The following RAP1A variants were observed in gnomAD, a reference collection of about 807,000 sequenced individuals.
The protein encoded by RAP1A is ras-related protein Rap-1A.
RAP1A carries 6 observed loss-of-function variants against 26.4 expected under a neutral mutation model. That is an observed-to-expected ratio of 0.23 (90% CI 0.12 to 0.45). The LOEUF (loss-of-function observed/expected upper bound fraction) is 0.45, where lower values mean the gene tolerates loss of function less well. Among genes scored for constraint, RAP1A ranks in the 20% least tolerant of loss-of-function variants. The probability of loss-of-function intolerance (pLI) is 0.99; values close to 1 mark genes in which losing one functional copy is unlikely to be tolerated. For missense variants in RAP1A, 121 were observed against 217.2 expected, an observed-to-expected ratio of 0.56 and a Z score of 2.78; for synonymous variants, 73 against 79.4, an observed-to-expected ratio of 0.92 and a Z score of 0.43.
intron 2 of RAP1A, among the ~76,000 whole-genome samples, chr1:111,693,107 C>G (rs1170570683): frequency 1.3e-5 from 2 of 152,112 alleles, no homozygotes; most frequent in African/African-American, 4.8e-5. Context: ...ATTGGAGGAT[C>G]TAGCATAGAA....
chr1:111,685,317 C>G (rs538570079), intron 1 of RAP1A, among the ~76,000 whole-genome samples: 2 of 152,212 alleles, frequency 1.3e-5, no homozygotes, highest in African/African-American at 4.8e-5. Context: ...GCAAAAGAAA[C>G]TATCAGCAGA....
intron 1 of RAP1A, among the ~76,000 whole-genome samples, chr1:111,655,429 G>T (rs909971973): frequency 6.6e-6 from 1 of 151,756 alleles, no homozygotes; most frequent in Non-Finnish European, 1.5e-5. Flanking sequence ...AAAAGAATAC[G>T]CATTCACAAA....
intron 7 of RAP1A, among the ~76,000 whole-genome samples, chr1:111,709,534 G>T (rs1662310994): frequency 6.6e-6 from 1 of 152,118 alleles, no homozygotes; most frequent in South Asian, 2.1e-4. Flanking sequence ...AAAAATAGTA[G>T]TTGAATGAAT....
At chr1:111,641,016 A>G (rs1659873225) in intron 1 of RAP1A, among the ~76,000 whole-genome samples, 1 of 152,186 alleles carries the variant, frequency 6.6e-6, no homozygotes, top group Admixed American at 6.5e-5. Flanking sequence ...TAAAAGGAAT[A>G]CAAGTAATGC....
At chr1:111,560,246 G>T (rs978601078) in intron 1 of RAP1A, among the ~76,000 whole-genome samples, 5 of 152,092 alleles carry the variant, frequency 3.3e-5, no homozygotes, top group African/African-American at 1.2e-4. Flanking sequence ...CTTTAGAGCT[G>T]AACTAACAAA....
At chr1:111,606,922 A>T (rs1256008074) in intron 1 of RAP1A, among the ~76,000 whole-genome samples, 1 of 152,228 alleles carries the variant, frequency 6.6e-6, no homozygotes, top group Admixed American at 6.5e-5. Context: ...GACATCCAGC[A>T]CCTAATGTTT....
intron 1 of RAP1A, among the ~76,000 whole-genome samples, chr1:111,624,162 G>A (rs1659318025): frequency 6.6e-6 from 1 of 151,928 alleles, no homozygotes; most frequent in Non-Finnish European, 1.5e-5. Flanking sequence ...GAAGAGTTAC[G>A]GCCTATTTCC....
At chr1:111,602,428 T>C (rs1658691845) in intron 1 of RAP1A, 1 of 152,242 alleles carries the variant, frequency 6.6e-6, no homozygotes, top group African/African-American at 2.4e-5. Flanking sequence ...AAACTATTTA[T>C]ATATAGTGAC....
At position 111,696,276 on chromosome 1, in the gene RAP1A, G is replaced by A. The variant is rs184493168; in HGVS notation, c.126+867G>A. ...AAAAAGATTAAACTTTAATAGGAAA[G>A]GATTGCTTTTGAAGACATTTTTAGA... On this transcript the variant is annotated intron_variant, in intron 3 of 7. Transcript: ENST00000369709. Among the ~76,000 whole-genome samples the A allele has an allele frequency of 8.5e-5, 13 of 152,216 alleles. No homozygotes were observed. In the East Asian group the frequency reaches 1.5e-3, roughly 18 times the overall value.
intron 1 of RAP1A, among the ~76,000 whole-genome samples, chr1:111,660,285 G>A (rs1660589827): frequency 6.6e-6 from 1 of 152,108 alleles, no homozygotes; most frequent in Admixed American, 6.5e-5. Context: ...TCTTGTCTCT[G>A]TTCTGCTATA....
intron 1 of RAP1A, among the ~76,000 whole-genome samples, chr1:111,639,128 G>A (rs1659814787): frequency 6.6e-6 from 1 of 152,004 alleles, no homozygotes; most frequent in Non-Finnish European, 1.5e-5. Context: ...TCTTTTTAAA[G>A]GAGATACACT....
At chr1:111,658,045 A>G (rs886131864) in intron 1 of RAP1A, among the ~76,000 whole-genome samples, 13 of 152,314 alleles carry the variant, frequency 8.5e-5, no homozygotes, top group African/African-American at 3.1e-4. Context: ...AATATGGTCT[A>G]TCTTGGTAAA....
intron 1 of RAP1A, among the ~76,000 whole-genome samples, chr1:111,663,378 TG>T (rs1336706835): frequency 1.3e-5 from 2 of 152,250 alleles, no homozygotes; most frequent in Admixed American, 6.5e-5. Flanking sequence ...CCTCCTGATT[TG>T]GGGTTCCTAA....
intron 1 of RAP1A, among the ~76,000 whole-genome samples, chr1:111,658,567 A>G (rs1446290641): frequency 6.6e-6 from 1 of 152,292 alleles, no homozygotes; most frequent in South Asian, 2.1e-4. Context: ...GTTAAAAACT[A>G]AGACACAAAC....
chr1:111,646,285 G>A (rs1660060757), intron 1 of RAP1A, among the ~76,000 whole-genome samples: 1 of 151,842 alleles, frequency 6.6e-6, no homozygotes, highest in Non-Finnish European at 1.5e-5. Context: ...AAAAATGTTA[G>A]TATGTTTGTA....
chr1:111,627,036 C>T (rs1659422216), intron 1 of RAP1A, among the ~76,000 whole-genome samples: 1 of 152,046 alleles, frequency 6.6e-6, no homozygotes, highest in Non-Finnish European at 1.5e-5. Context: ...TTTCTTATTC[C>T]AAGTAATATG....
intron 1 of RAP1A, among the ~76,000 whole-genome samples, chr1:111,607,328 AGG>A (rs1491099510): frequency 6.6e-5 from 10 of 152,096 alleles, no homozygotes; most frequent in Non-Finnish European, 5.9e-5. Flanking sequence ...CAGAGAGCAC[AGG>A]GTTGGGGGTA....
chr1:111,585,380 AG>A (rs1658346586), intron 1 of RAP1A, among the ~76,000 whole-genome samples: 2 of 152,352 alleles, frequency 1.3e-5, no homozygotes, highest in South Asian at 4.1e-4. Context: ...AAAGGCAGCA[AG>A]GCCGGTGATT....
intron 1 of RAP1A, among the ~76,000 whole-genome samples, chr1:111,583,330 C>A (rs553964938): frequency 1.3e-5 from 2 of 150,806 alleles, no homozygotes; most frequent in East Asian, 3.9e-4. Context: ...TTTAACCAGG[C>A]GCAATAGTTC....
Sources: gnomAD v4.1 joint callset for allele counts (sites outside exome capture counted in the v4.1 genomes callset) on GRCh38, gnomAD v4.1.1 for gene constraint, MANE v1.5 for transcripts, NCBI Gene and HGNC (gene_info 2026-07-23, HGNC 2026-07-21) for gene names.